Variants in GALNTL6 observed in about 807,000 individuals in gnomAD.
GALNTL6 encodes the protein polypeptide N-acetylgalactosaminyltransferase like 6.
Under a neutral mutation model 73.7 loss-of-function variants are expected in GALNTL6, and 46 were observed. That is an observed-to-expected ratio of 0.62 (90% confidence interval 0.49 to 0.80). The LOEUF is 0.80. Ranked by LOEUF, GALNTL6 falls within the 30% of genes least tolerant of loss-of-function variation. GALNTL6 has a pLI of 0.00. For missense variants in GALNTL6, 604 were observed against 755.0 expected, an observed-to-expected ratio of 0.80 and a Z score of 2.34; for synonymous variants, 259 against 263.7, an observed-to-expected ratio of 0.98 and a Z score of 0.17.
intron 10 of GALNTL6, among the ~76,000 whole-genome samples, chr4:173,004,454 G>A (rs543604547): frequency 3.9e-5 from 6 of 152,098 alleles, no homozygotes; most frequent in South Asian, 2.1e-4. Context: ...TGATGAAACC[G>A]CATCTCTACT....
intron 7 of GALNTL6, among the ~76,000 whole-genome samples, chr4:172,831,222 T>TTTACCACG (rs1432121456): frequency 6.1e-5 from 9 of 147,756 alleles, no homozygotes; most frequent in Non-Finnish European, 1.2e-4. Flanking sequence ...GGCTTATTTA[T>TTTACCACG]TTACCACGCA....
chr4:172,314,449 T>C (rs1484162750), intron 4 of GALNTL6, among the ~76,000 whole-genome samples: 3 of 152,068 alleles, frequency 2.0e-5, no homozygotes, highest in Non-Finnish European at 4.4e-5. Flanking sequence ...TATTGGTCAC[T>C]CCCTGTATAT....
chr4:172,049,337 C>T (rs958496778), intron 2 of GALNTL6, among the ~76,000 whole-genome samples: 2 of 152,002 alleles, frequency 1.3e-5, no homozygotes, highest in African/African-American at 2.4e-5. Flanking sequence ...GATTAGTGAA[C>T]AAAAAGAAAC....
chr4:172,566,387 A>T (rs937452148), intron 5 of GALNTL6, among the ~76,000 whole-genome samples: 2 of 152,168 alleles, frequency 1.3e-5, no homozygotes, highest in Admixed American at 1.3e-4. Flanking sequence ...AATAGGTGAA[A>T]CTCCAGAAAA....
At chr4:172,485,373 G>C (rs1204423037) in intron 5 of GALNTL6, among the ~76,000 whole-genome samples, 2 of 151,974 alleles carry the variant, frequency 1.3e-5, no homozygotes, top group East Asian at 3.9e-4. Context: ...TAATGAGATA[G>C]AATACCAGAG....
At position 172,069,500 on chromosome 4, in the gene GALNTL6, G is replaced by GTATGACACATATATGTTATA. The variant is rs1731456355; in HGVS notation, c.139-160153_139-160152insGACACATATATGTTATATAT. Among the ~76,000 whole-genome samples the GTATGACACATATATGTTATA allele has an allele frequency of 8.1e-4, 16 of 19,816 alleles. 5 individuals are homozygous for GTATGACACATATATGTTATA. Among genetic ancestry groups the GTATGACACATATATGTTATA allele is most frequent in the African/African-American group, 1.7e-3 (12 of 7,190 alleles). The allele number at this position is 19,816 out of a possible 152,430, so 13.0% of individuals were successfully genotyped here. ...GTTATATATAACACATATGTTATATGTATAACACATATATGTTATATGTAT... is the reference window on the plus strand; with the variant it reads ...GTTATATATAACACATATGTTATATGTATGACACATATATGTTATATATAACACATATATGTTATATGTAT... On this transcript the variant is annotated intron_variant, in intron 2 of 12. Coordinates refer to ENST00000506823, the MANE Select transcript of GALNTL6 (RefSeq NM_001034845.3).
At chr4:172,100,527 C>T (rs975231762) in intron 2 of GALNTL6, among the ~76,000 whole-genome samples, 4 of 152,088 alleles carry the variant, frequency 2.6e-5, no homozygotes, top group Admixed American at 6.6e-5. Context: ...AAAATATAAT[C>T]ATTATGCCAA....
intron 2 of GALNTL6, among the ~76,000 whole-genome samples, chr4:171,965,198 T>C (rs1011219882): frequency 6.6e-6 from 1 of 152,210 alleles, no homozygotes; most frequent in African/African-American, 2.4e-5. Context: ...TGAATCAAAT[T>C]GAACTAAATA....
intron 5 of GALNTL6, among the ~76,000 whole-genome samples, chr4:172,464,591 C>T (rs911763052): frequency 6.6e-6 from 1 of 152,014 alleles, no homozygotes; most frequent in African/African-American, 2.4e-5. Flanking sequence ...CCTGTAGTCT[C>T]AGCTACTCAG....
intron 5 of GALNTL6, among the ~76,000 whole-genome samples, chr4:172,465,237 G>T (rs1229108575): frequency 6.6e-6 from 1 of 152,144 alleles, no homozygotes; most frequent in Non-Finnish European, 1.5e-5. Flanking sequence ...CAGCACTTGG[G>T]GAGGCCGAGG....
chr4:172,653,431 G>A (rs779134452), intron 5 of GALNTL6, among the ~76,000 whole-genome samples: 7 of 152,022 alleles, frequency 4.6e-5, no homozygotes, highest in Admixed American at 3.9e-4. Context: ...ATGTTAGCCA[G>A]GCTGGTCTTG....
intron 2 of GALNTL6, among the ~76,000 whole-genome samples, chr4:172,099,039 C>A (rs1280981550): frequency 1.3e-5 from 2 of 152,048 alleles, no homozygotes; most frequent in Admixed American, 1.3e-4. Context: ...GGATACCACA[C>A]CTAAATATAT....
intron 2 of GALNTL6, among the ~76,000 whole-genome samples, chr4:171,912,278 C>T (rs907968472): frequency 6.6e-6 from 1 of 152,008 alleles, no homozygotes; most frequent in Non-Finnish European, 1.5e-5. Context: ...TTGTCAGATT[C>T]TCTTGTTATT....
At chr4:172,545,190 G>T in intron 5 of GALNTL6, among the ~76,000 whole-genome samples, 1 of 152,120 alleles carries the variant, frequency 6.6e-6, no homozygotes, top group Non-Finnish European at 1.5e-5. Context: ...ATTACTAAAT[G>T]TATAATGGGG....
chr4:172,421,874 C>A (rs1731062207), intron 5 of GALNTL6, among the ~76,000 whole-genome samples: 1 of 152,028 alleles, frequency 6.6e-6, no homozygotes, highest in Admixed American at 6.6e-5. Flanking sequence ...TAAATTCATT[C>A]TTTGTTGTTA....
chr4:172,951,507 A>G, intron 9 of GALNTL6, among the ~76,000 whole-genome samples: 1 of 152,386 alleles, frequency 6.6e-6, no homozygotes. Context: ...TCTGATTGAT[A>G]TCTGTGTTGC....
intron 2 of GALNTL6, among the ~76,000 whole-genome samples, chr4:172,062,576 G>C (rs1731243583): frequency 6.6e-6 from 1 of 152,202 alleles, no homozygotes; most frequent in Non-Finnish European, 1.5e-5. Flanking sequence ...GTGAATTAAA[G>C]GCTATCGATA....
intron 2 of GALNTL6, among the ~76,000 whole-genome samples, chr4:172,003,043 G>A (rs1740724917): frequency 2.0e-5 from 3 of 152,108 alleles, no homozygotes; most frequent in Admixed American, 1.3e-4. Flanking sequence ...GTAAGAAGAG[G>A]TGGTATTGTA....
At chr4:172,618,704 C>T (rs1738839215) in intron 5 of GALNTL6, among the ~76,000 whole-genome samples, 1 of 151,986 alleles carries the variant, frequency 6.6e-6, no homozygotes, top group African/African-American at 2.4e-5. Context: ...TGATTTATTA[C>T]TTAATAATAA....
Sources: gnomAD v4.1 joint callset for allele counts (sites outside exome capture counted in the v4.1 genomes callset) on GRCh38, gnomAD v4.1.1 for gene constraint, MANE v1.5 for transcripts, NCBI Gene and HGNC (gene_info 2026-07-23, HGNC 2026-07-21) for gene names.